EPHA3: variants seen among roughly 807,000 people sequenced by gnomAD.
The protein encoded by EPHA3 is EPH receptor A3, also known as ephrin type-A receptor 3.
Under a neutral mutation model 107.1 loss-of-function variants are expected in EPHA3, and 42 were observed. That is an observed-to-expected ratio of 0.39 (90% confidence interval 0.31 to 0.51). The LOEUF (loss-of-function observed/expected upper bound fraction) is 0.51, where lower values mean the gene tolerates loss of function less well. EPHA3 is among the 20% of genes least tolerant of loss of function. The probability of loss-of-function intolerance (pLI) is 0.78; values close to 1 mark genes in which losing one functional copy is unlikely to be tolerated. For synonymous variants in EPHA3, 461 were observed against 424.8 expected (o/e 1.09, Z -1.05); for missense variants, 1,183 against 1,211.2 (o/e 0.98, Z 0.35).
At position 89,391,757 on chromosome 3, in the gene EPHA3, T is replaced by A. The variant is rs190455521; in HGVS notation, c.1307-4080T>A. 2.3e-3 allele frequency among the ~76,000 whole-genome samples: 352 copies of A among 152,218 alleles called. 1 individual carries two copies. Among genetic ancestry groups the A allele is most frequent in the Non-Finnish European group, 4.1e-3 (277 of 67,998 alleles). On this transcript the variant is annotated intron_variant, in intron 5 of 16. Transcript: ENST00000336596. ...CTATTTGTATTCTCTTAAGAAATAT[T>A]TCATTTAAAATATAATCAATACCAC... is the stretch of plus-strand genomic sequence containing the variant.
At chr3:89,189,930 A>G (rs1705667023) in intron 2 of EPHA3, among the ~76,000 whole-genome samples, 1 of 152,130 alleles carries the variant, frequency 6.6e-6, no homozygotes, top group African/African-American at 2.4e-5. Context: ...CTGGAAAACA[A>G]ATTTTAAACC....
chr3:89,167,026 G>A (rs1016662096), intron 2 of EPHA3, among the ~76,000 whole-genome samples: 14 of 151,966 alleles, frequency 9.2e-5, no homozygotes, highest in Admixed American at 1.3e-4. Flanking sequence ...CCTTTGTTTC[G>A]TACAAAGAAA....
chr3:89,241,701 AC>A (rs1214090572), intron 3 of EPHA3, among the ~76,000 whole-genome samples: 1 of 151,318 alleles, frequency 6.6e-6, no homozygotes, highest in Non-Finnish European at 1.5e-5. Flanking sequence ...TTCTTTTATC[AC>A]CCCCCTGCAT....
chr3:89,237,153 C>T (rs755403409), intron 3 of EPHA3, among the ~76,000 whole-genome samples: 8 of 152,042 alleles, frequency 5.3e-5, no homozygotes, highest in African/African-American at 1.7e-4. Context: ...CTTGAGGCCA[C>T]GAGTTCAAGA....
Position 89,436,855 on chromosome 3 carries a change from C to T in EPHA3, c.2346+5496C>T, listed in dbSNP as rs986430044. Reference sequence around the variant, plus strand: ...AAGGGTCAGCTAAGATAGTACTATACATTTTTATGTTTATTTTCTCTTTTA... The same window carrying T: ...AAGGGTCAGCTAAGATAGTACTATATATTTTTATGTTTATTTTCTCTTTTA... On this transcript the variant is annotated intron_variant, in intron 13 of 16. Transcript: ENST00000336596. Among the ~76,000 whole-genome samples, 49 of 152,130 alleles carry T rather than the reference C, an allele frequency of 3.2e-4. 1 individual carries two copies. The highest frequency in any genetic ancestry group is 1.0e-4 in the Non-Finnish European group (7 of 68,020).
intron 3 of EPHA3, among the ~76,000 whole-genome samples, chr3:89,225,842 T>C (rs1408889123): frequency 6.6e-6 from 1 of 152,074 alleles, no homozygotes; most frequent in Non-Finnish European, 1.5e-5. Flanking sequence ...AGCCTGAGAA[T>C]AGGAAAAGAA....
At chr3:89,302,849 A>T (rs1462646278) in intron 3 of EPHA3, among the ~76,000 whole-genome samples, 1 of 152,086 alleles carries the variant, frequency 6.6e-6, no homozygotes, top group Non-Finnish European at 1.5e-5. Flanking sequence ...GTATTACAGG[A>T]TTATGCATAG....
chr3:89,261,830 C>T (rs1705424130), intron 3 of EPHA3, among the ~76,000 whole-genome samples: 1 of 150,320 alleles, frequency 6.7e-6, no homozygotes, highest in Non-Finnish European at 1.5e-5. Flanking sequence ...TAGTTTGGTG[C>T]AAAAGTCATT....
intron 3 of EPHA3, among the ~76,000 whole-genome samples, chr3:89,243,246 A>T (rs1461639952): frequency 6.6e-6 from 1 of 152,144 alleles, no homozygotes; most frequent in African/African-American, 2.4e-5. Context: ...GCAGCATGAT[A>T]TATAATCCTC....
rs144093495 is a variant in EPHA3 at position 89,172,334 on chromosome 3, T to C, written c.154-37526T>C. On this transcript the variant is annotated intron_variant, in intron 2 of 16. Coordinates refer to ENST00000336596, the MANE Select transcript of EPHA3 (RefSeq NM_005233.6). ...GATGTTTAGTGGCAGCAGCTTGCCA[T>C]TGAGAGCTGGGAAGAGGGCTGTTTG... Among the ~76,000 whole-genome samples, 136 of 152,110 alleles carry C rather than the reference T, an allele frequency of 8.9e-4. No individual in the cohort carries two copies. In the East Asian group the frequency reaches 0.024, roughly 27 times the overall value.
intron 2 of EPHA3, among the ~76,000 whole-genome samples, chr3:89,136,111 G>A (rs1168846380): frequency 6.6e-6 from 1 of 151,828 alleles, no homozygotes; most frequent in Non-Finnish European, 1.5e-5. Context: ...ATAATCACCT[G>A]GGATTCTGCC....
chr3:89,297,226 G>A (rs939617709), intron 3 of EPHA3, among the ~76,000 whole-genome samples: 2 of 152,120 alleles, frequency 1.3e-5, no homozygotes, highest in African/African-American at 2.4e-5. Flanking sequence ...TTGTCATTAA[G>A]AGGCCTATCT....
At chr3:89,432,494 T>C (rs1408867895) in intron 13 of EPHA3, among the ~76,000 whole-genome samples, 1 of 152,234 alleles carries the variant, frequency 6.6e-6, no homozygotes, top group African/African-American at 2.4e-5. Flanking sequence ...CAAGTGATTC[T>C]CCCGGGCTCA....
chr3:89,301,552 ACTC>A (rs1320139134), intron 3 of EPHA3, among the ~76,000 whole-genome samples: 1 of 151,886 alleles, frequency 6.6e-6, no homozygotes, highest in Non-Finnish European at 1.5e-5. Context: ...AAGTATTTTC[ACTC>A]CTCATGTTGG....
intron 5 of EPHA3, among the ~76,000 whole-genome samples, chr3:89,380,710 T>A (rs1708484160): frequency 6.6e-6 from 1 of 151,604 alleles, no homozygotes; most frequent in Admixed American, 6.6e-5. Flanking sequence ...CAAAGCAACA[T>A]ATAGTAAACT....
At chr3:89,132,004 C>A (rs1704216458) in intron 2 of EPHA3, among the ~76,000 whole-genome samples, 1 of 152,170 alleles carries the variant, frequency 6.6e-6, no homozygotes, top group Admixed American at 6.5e-5. Context: ...CTAATCATGA[C>A]CATGATAGTT....
chr3:89,479,517 G>A lies in EPHA3; in HGVS notation c.*15G>A, dbSNP rs554197626. ...TTCCCGTGTAAAGCACGGGACGGAA[G>A]TGCTTCTGGACGGAAGTGGTGGCTG... On this transcript the variant is annotated 3_prime_UTR_variant, in exon 17 of 17. Transcript: ENST00000336596. The A allele has an allele frequency of 1.9e-6, 3 of 1,604,608 alleles. No homozygotes were observed. Among genetic ancestry groups the A allele is most frequent in the African/African-American group, 1.3e-5 (1 of 74,844 alleles).
Position 89,341,942 on chromosome 3 carries a change from G to T in EPHA3, c.1158G>T (p.Gln386His). The change falls in exon 5 of 17, where the codon CAG (glutamine) becomes CAT (histidine). Residue 386 changes from glutamine to histidine, a missense_variant. Physicochemically the swap from Gln to His is conservative, Grantham distance 24. Coordinates refer to ENST00000336596, the MANE Select transcript of EPHA3 (RefSeq NM_005233.6). Reference sequence around the variant, plus strand: ...CAAATGTCCGCTTCCTCCCTCGACAGTTTGGACTCACCAACACCACGGTGA... The same window carrying T: ...CAAATGTCCGCTTCCTCCCTCGACATTTTGGACTCACCAACACCACGGTGA... Reference protein sequence around the residue: ...CSPNVRFLPRQFGLTNTTVTV... With the variant: ...CSPNVRFLPRHFGLTNTTVTV... The T allele has an allele frequency of 6.2e-7, 1 of 1,613,618 alleles. No homozygotes were observed. The highest frequency in any genetic ancestry group is 8.5e-7 in the Non-Finnish European group (1 of 1,179,954).
intron 10 of EPHA3, among the ~76,000 whole-genome samples, chr3:89,416,486 C>G (rs1709250163): frequency 6.6e-6 from 1 of 151,158 alleles, no homozygotes; most frequent in East Asian, 1.9e-4. Context: ...TTTTTAGCAG[C>G]TTTATTGAGA....
Sources: gnomAD v4.1 joint callset for allele counts (sites outside exome capture counted in the v4.1 genomes callset) on GRCh38, gnomAD v4.1.1 for gene constraint, MANE v1.5 for transcripts, NCBI Gene and HGNC (gene_info 2026-07-23, HGNC 2026-07-21) for gene names.